The following WDR25 variants were observed in gnomAD, a reference collection of about 807,000 sequenced individuals.
WDR25 encodes WD repeat domain 25.
Under a neutral mutation model 47.7 loss-of-function variants are expected in WDR25, and 35 were observed. The observed-to-expected ratio is 0.73, with a 90% CI of 0.56 to 0.97. WDR25 has a LOEUF of 0.97. WDR25 is among the 50% of genes least tolerant of loss of function. WDR25 has a pLI of 0.00. For synonymous variants in WDR25, 248 were observed against 278.9 expected, an observed-to-expected ratio of 0.89 and a Z score of 1.10; for missense variants, 634 against 704.7, an observed-to-expected ratio of 0.90 and a Z score of 1.14.
At position 100,413,558 on chromosome 14, in the gene WDR25, C is replaced by T. The variant is rs183121084; in HGVS notation, c.822+31812C>T. Among the ~76,000 whole-genome samples the T allele has an allele frequency of 4.4e-3, 667 of 152,184 alleles. 3 individuals carry two copies. Among genetic ancestry groups the T allele is most frequent in the Non-Finnish European group, 7.5e-3 (512 of 68,008 alleles). On this transcript the variant is annotated intron_variant, in intron 2 of 6. Transcript: ENST00000402312. ...CCTCCCGAGTAGCTGGGACTACAGGCGCCCACCACCACGCCCGGCTAATTT... is the reference window on the plus strand; with the variant it reads ...CCTCCCGAGTAGCTGGGACTACAGGTGCCCACCACCACGCCCGGCTAATTT...
chr14:100,489,800 A>T (rs923232198), intron 4 of WDR25, among the ~76,000 whole-genome samples: 1 of 152,078 alleles, frequency 6.6e-6, no homozygotes, highest in Non-Finnish European at 1.5e-5. Context: ...ATGCATTCAG[A>T]TCTGCCAACT....
chr14:100,513,779 C>T (rs560926307), intron 4 of WDR25, among the ~76,000 whole-genome samples: 57 of 151,946 alleles, frequency 3.8e-4, no homozygotes, highest in Non-Finnish European at 6.9e-4. Flanking sequence ...CCTCCTGCCT[C>T]GGCCTCCTAA....
chr14:100,492,454 G>A (rs758176378), intron 4 of WDR25, among the ~76,000 whole-genome samples: 2 of 152,198 alleles, frequency 1.3e-5, no homozygotes, highest in South Asian at 2.1e-4. Flanking sequence ...TCAAGAGGGC[G>A]ATGTTCCAAG....
intron 2 of WDR25, among the ~76,000 whole-genome samples, chr14:100,423,439 C>T (rs975557286): frequency 2.0e-5 from 3 of 152,160 alleles, no homozygotes; most frequent in African/African-American, 4.8e-5. Flanking sequence ...TTATTCCGAT[C>T]GTACTGTGAG....
intron 3 of WDR25, among the ~76,000 whole-genome samples, chr14:100,480,633 C>T (rs184455029): frequency 6.6e-6 from 1 of 152,284 alleles, no homozygotes; most frequent in African/African-American, 2.4e-5. Flanking sequence ...CAAAAATGAT[C>T]TGTCACCTAT....
rs141853259 is a variant in WDR25, at chr14:100,508,527, G to T, written c.1102-17343G>T. On this transcript the variant is annotated intron_variant, in intron 4 of 6. Transcript: ENST00000402312. ...TTGTAGCTTTTTCCTAGATTACTTA[G>T]AAATTTTAATTTACATGATCATGTA... 1.8e-3 allele frequency among the ~76,000 whole-genome samples: 275 copies of T among 152,234 alleles called. 1 individual carries two copies. The highest frequency in any genetic ancestry group is 6.5e-3 in the African/African-American group (269 of 41,550).
rs1360026916 is a variant in WDR25, at chr14:100,404,118, A to C, written c.822+22372A>C. Among the ~76,000 whole-genome samples, 2 of 151,798 alleles carry C rather than the reference A, an allele frequency of 1.3e-5. No individual in the cohort carries two copies. Among genetic ancestry groups the C allele is most frequent in the African/African-American group, 4.8e-5 (2 of 41,306 alleles). ...TAGAACTCCCATTTGCTGAGATCCTACCATGTGTCCAGCCCAGTGCTGGGC... is the reference window on the plus strand; with the variant it reads ...TAGAACTCCCATTTGCTGAGATCCTCCCATGTGTCCAGCCCAGTGCTGGGC... On this transcript the variant is annotated intron_variant, in intron 2 of 6. Transcript: ENST00000402312. The surrounding 1 kb of genome is among the most constrained non-coding windows in gnomAD (Gnocchi z 4.6).
intron 2 of WDR25, among the ~76,000 whole-genome samples, chr14:100,409,866 C>T (rs1342964921): frequency 6.6e-6 from 1 of 152,174 alleles, no homozygotes; most frequent in Non-Finnish European, 1.5e-5. Context: ...TGTGAAGATG[C>T]AGAAGAGTAA....
chr14:100,403,748 GT>G (rs1266207548), intron 2 of WDR25, among the ~76,000 whole-genome samples: 2 of 152,212 alleles, frequency 1.3e-5, no homozygotes, highest in African/African-American at 4.8e-5. Context: ...GTTGCTTAGA[GT>G]GAAGCTGGCT....
Position 100,525,732 on chromosome 14 carries a change from G to C in WDR25, c.1102-138G>C. The C allele has an allele frequency of 3.1e-6, 3 of 962,400 alleles. No homozygotes were observed. Among genetic ancestry groups the C allele is most frequent in the Non-Finnish European group, 4.5e-6 (3 of 664,188 alleles). 59.6% of individuals were successfully genotyped at this position (962,400 alleles called of 1,614,324 possible). A position where few individuals can be genotyped will look rare whatever the true frequency, so the allele number is the denominator to read the frequency against. ...CCATGATTCCATATATGGCTTGTGG[G>C]TGCTGCTCAGCCTGGGTGTGTGTGG... On this transcript the variant is annotated intron_variant, in intron 4 of 6. Transcript: ENST00000402312. The surrounding 1 kb of genome is among the most constrained non-coding windows in gnomAD (Gnocchi z 4.6).
In WDR25 at chr14:100,480,160, TC is replaced by T. The variant is rs557945544; in HGVS notation, c.971-3831del. Among the ~76,000 whole-genome samples, 277 of 152,338 alleles carry T rather than the reference TC, an allele frequency of 1.8e-3. 1 individual carries two copies. Among genetic ancestry groups the T allele is most frequent in the Admixed American group, 0.015 (233 of 15,304 alleles). Reference sequence around the variant, plus strand: ...TCCAGTTTTCAGTGGCTTTTCAGCATCCCATCAGGCAGAAAACCACATTTGT... The same window carrying T: ...TCCAGTTTTCAGTGGCTTTTCAGCATCCATCAGGCAGAAAACCACATTTGT... On this transcript the variant is annotated intron_variant, in intron 3 of 6. Coordinates refer to ENST00000402312, the MANE Select transcript of WDR25 (RefSeq NM_001161476.3).
At chr14:100,377,610 G>C (rs1896744991) in intron 1 of WDR25, among the ~76,000 whole-genome samples, 1 of 151,574 alleles carries the variant, frequency 6.6e-6, no homozygotes, top group Non-Finnish European at 1.5e-5. Context: ...GCGCCCGGTC[G>C]TTTTATTTAA....
chr14:100,389,678 G>A (rs544818814), intron 2 of WDR25, among the ~76,000 whole-genome samples: 4 of 152,334 alleles, frequency 2.6e-5, no homozygotes, highest in Non-Finnish European at 4.4e-5. Flanking sequence ...AGAGGACAGC[G>A]TACCTTGATC....
chr14:100,401,649 T>G lies in WDR25; in HGVS notation c.822+19903T>G, dbSNP rs538084944. Reference sequence around the variant, plus strand: ...GAGAATTTGTTGGTTGACATTTTTCTTTTTTGGGCTTCTTTTTACTTTGTT... The same window carrying G: ...GAGAATTTGTTGGTTGACATTTTTCGTTTTTGGGCTTCTTTTTACTTTGTT... On this transcript the variant is annotated intron_variant, in intron 2 of 6. Transcript: ENST00000402312. Among the ~76,000 whole-genome samples, 3 of 152,340 alleles carry G rather than the reference T, an allele frequency of 2.0e-5. No individual in the cohort carries two copies. The South Asian group carries it at 6.2e-4, about 32-fold the overall frequency.
intron 2 of WDR25, among the ~76,000 whole-genome samples, chr14:100,382,525 C>T (rs532460442): frequency 1.1e-3 from 171 of 152,278 alleles, no homozygotes; most frequent in African/African-American, 3.7e-3. Flanking sequence ...TACATGGAAA[C>T]TCTTTTTTGC....
At chr14:100,459,894 G>GTATATATATATATATATATA (rs61706956) in intron 2 of WDR25, among the ~76,000 whole-genome samples, 2 of 78,282 alleles carry the variant, frequency 2.6e-5, no homozygotes, top group East Asian at 3.0e-4. Context: ...GTGTGTGTGT[G>GTATATATATATATATATATA]TATATATATA....
chr14:100,376,770 T>A, intron 1 of WDR25: 1 of 1,226,438 alleles, frequency 8.2e-7, no homozygotes, highest in Non-Finnish European at 1.0e-6. Flanking sequence ...TTGTGTTTGA[T>A]TTCCACCCAC....
At position 100,415,636 on chromosome 14, in the gene WDR25, G is replaced by A. The variant is rs546577640; in HGVS notation, c.822+33890G>A. On this transcript the variant is annotated intron_variant, in intron 2 of 6. Coordinates refer to ENST00000402312, the MANE Select transcript of WDR25 (RefSeq NM_001161476.3). ...CCAGCAGCTGCTTATATAAGATTGG[G>A]GCATCCTAATGTCAGGACTCCTCTC... Among the ~76,000 whole-genome samples the A allele has an allele frequency of 5.9e-5, 9 of 152,264 alleles. No homozygotes were observed. In the East Asian group the frequency reaches 1.5e-3, roughly 26 times the overall value.
At chr14:100,464,368 A>G (rs2140290121) in intron 2 of WDR25, among the ~76,000 whole-genome samples, 1 of 152,128 alleles carries the variant, frequency 6.6e-6, no homozygotes, top group Non-Finnish European at 1.5e-5. Flanking sequence ...ACTTTTTAAT[A>G]CTTCAGTCTT....
Sources: allele counts gnomAD v4.1 joint callset (sites outside exome capture counted in the v4.1 genomes callset), GRCh38; gene constraint gnomAD v4.1.1; non-coding constraint Gnocchi (gnomAD v3.1); transcripts MANE v1.5; gene names NCBI Gene and HGNC (gene_info 2026-07-23, HGNC 2026-07-21).